TRAPPC8: variants seen among roughly 807,000 people sequenced by gnomAD.
The protein encoded by TRAPPC8 is trafficking protein particle complex subunit 8.
Under a neutral mutation model 174.3 loss-of-function variants are expected in TRAPPC8, and 54 were observed. That is an observed-to-expected ratio of 0.31 (90% CI 0.25 to 0.39). The LOEUF is 0.39. Ranked by LOEUF, TRAPPC8 falls within the 10% of genes least tolerant of loss-of-function variation. The pLI is 1.00. For missense variants in TRAPPC8, 1,531 were observed against 1,699.1 expected (o/e 0.90, Z 1.74); for synonymous variants, 630 against 579.9 (o/e 1.09, Z -1.24).
intron 2 of TRAPPC8, 106 bp downstream of exon 2, chr18:31,931,223 T>TTAG (rs1185177340): frequency 1.9e-6 from 2 of 1,080,672 alleles, no homozygotes; most frequent in East Asian, 5.1e-5. Flanking sequence ...GCCCTAGCAC[T>TTAG]TAGTAAACTC....
At chr18:31,928,408 C>A (rs533103344) in intron 2 of TRAPPC8, among the ~76,000 whole-genome samples, 3 of 151,592 alleles carry the variant, frequency 2.0e-5, no homozygotes, top group Non-Finnish European at 2.9e-5. Flanking sequence ...TATAGTCCCA[C>A]CTACTCAGGA....
In TRAPPC8 at chr18:31,942,648, G is replaced by A. The variant is rs1424235559; in HGVS notation, c.117C>T (p.Phe39=). 6 of 1,611,210 alleles carry A rather than the reference G, an allele frequency of 3.7e-6. No individual in the cohort carries two copies. Among genetic ancestry groups the A allele is most frequent in the Admixed American group, 1.7e-5 (1 of 59,582 alleles). The change falls in exon 1 of 29, where the codon TTC becomes TTT. Residue 39 remains phenylalanine (F), a synonymous_variant. Coordinates refer to ENST00000283351, the MANE Select transcript of TRAPPC8 (RefSeq NM_014939.5). ...ERLTRLNHLS[F]AELLKPFSRL... is the part of the protein sequence containing the mutation. The stretch of plus-strand genomic sequence containing the variant: ...GGGAGAAGGGCTTAAGCAGCTCCGC[G>A]AAGCTGAGGTGATTGAGACGAGTGA...
intron 12 of TRAPPC8, among the ~76,000 whole-genome samples, chr18:31,875,812 C>T (rs1246569520): frequency 1.3e-5 from 2 of 152,024 alleles, no homozygotes; most frequent in Non-Finnish European, 2.9e-5. Flanking sequence ...AAAAGAGGTA[C>T]ACAGAAAGAC....
Position 31,830,713 on chromosome 18 carries a change from A to G in TRAPPC8, c.*42T>C. The G allele has an allele frequency of 6.4e-7, 1 of 1,567,526 alleles. No individual in the cohort carries two copies. Among genetic ancestry groups the G allele is most frequent in the South Asian group, 1.2e-5 (1 of 86,682 alleles). ...AATACTGCTGTAAAACCCATCCAGC[A>G]AAAACTGATTATTGTGGATTTCAGT... On this transcript the variant is annotated 3_prime_UTR_variant, in exon 29 of 29. Transcript: ENST00000283351.
At chr18:31,880,377 C>T (rs1168582146) in intron 12 of TRAPPC8, among the ~76,000 whole-genome samples, 1 of 151,674 alleles carries the variant, frequency 6.6e-6, no homozygotes, top group East Asian at 1.9e-4. Context: ...TTACTCACCA[C>T]ATAAAGAGAA....
At chr18:31,915,469 A>AAGG (rs1555678148) in intron 4 of TRAPPC8, among the ~76,000 whole-genome samples, 4 of 98,854 alleles carry the variant, frequency 4.0e-5, no homozygotes, top group South Asian at 8.7e-4. Context: ...TCAAAAAAAA[A>AAGG]GGGGGGGGGG....
At chr18:31,875,012 C>T (rs560898881) in intron 12 of TRAPPC8, among the ~76,000 whole-genome samples, 2 of 152,248 alleles carry the variant, frequency 1.3e-5, no homozygotes, top group African/African-American at 2.4e-5. Flanking sequence ...AATTTCAAAA[C>T]GTCAACTTCA....
At chr18:31,846,510 A>G (rs1307998975) in intron 26 of TRAPPC8, among the ~76,000 whole-genome samples, 1 of 152,142 alleles carries the variant, frequency 6.6e-6, no homozygotes, top group Non-Finnish European at 1.5e-5. Context: ...GGGGAGGTCA[A>G]GGCTGCAGTG....
intron 2 of TRAPPC8, among the ~76,000 whole-genome samples, chr18:31,921,069 T>A (rs558858467): frequency 2.5e-4 from 38 of 151,040 alleles, no homozygotes; most frequent in South Asian, 8.5e-4. Context: ...TTAGCAGCTG[T>A]AAAAGAAAGG....
intron 1 of TRAPPC8, among the ~76,000 whole-genome samples, chr18:31,940,706 C>T (rs879810351): frequency 2.6e-5 from 4 of 151,888 alleles, no homozygotes; most frequent in Non-Finnish European, 5.9e-5. Flanking sequence ...ACCATGTTGG[C>T]CAGGATGGTC....
At position 31,931,468 on chromosome 18, in the gene TRAPPC8, T is replaced by C. The variant is rs767056464; in HGVS notation, c.213A>G (p.Ala71=). 1.2e-5 allele frequency: 20 copies of C among 1,609,236 alleles called. 1 individual carries two copies. Among genetic ancestry groups the C allele is most frequent in the South Asian group, 4.5e-5 (4 of 89,642 alleles). Residue 71 remains alanine (A), a synonymous_variant, in exon 2 of 29, where the codon GCA becomes GCG. Transcript: ENST00000283351. ...QLHVIKNLKI[A]VSNIVTQPPQ... Reference sequence around the variant, plus strand: ...GTGGCTGGGTGACAATGTTGCTTACTGCTATCTTCAAATTTTTAATTACGT... The same window carrying C: ...GTGGCTGGGTGACAATGTTGCTTACCGCTATCTTCAAATTTTTAATTACGT...
At chr18:31,904,333 T>C (rs1305575864) in intron 9 of TRAPPC8, among the ~76,000 whole-genome samples, 1 of 152,070 alleles carries the variant, frequency 6.6e-6, no homozygotes, top group Admixed American at 6.5e-5. Flanking sequence ...GTGGATCACC[T>C]GAAGTCTGGA....
At chr18:31,865,028 A>G (rs920767141) in intron 18 of TRAPPC8, among the ~76,000 whole-genome samples, 1 of 152,120 alleles carries the variant, frequency 6.6e-6, no homozygotes, top group African/African-American at 2.4e-5. Context: ...ACATTACTCA[A>G]TAGGAAGCCC....
chr18:31,856,924 G>A (rs2034051441), intron 20 of TRAPPC8, among the ~76,000 whole-genome samples: 1 of 145,182 alleles, frequency 6.9e-6, no homozygotes, highest in Non-Finnish European at 1.5e-5. Flanking sequence ...CGAATCTCCT[G>A]CCTCAGCCTC....
At chr18:31,910,616 G>C (rs1382914726) in intron 5 of TRAPPC8, among the ~76,000 whole-genome samples, 2 of 152,214 alleles carry the variant, frequency 1.3e-5, no homozygotes, top group East Asian at 3.8e-4. Flanking sequence ...GAGAATTTTT[G>C]GGTGATCAGA....
intron 25 of TRAPPC8, among the ~76,000 whole-genome samples, chr18:31,848,658 G>C (rs2033540238): frequency 2.0e-5 from 3 of 152,074 alleles, no homozygotes; most frequent in Admixed American, 6.6e-5. Context: ...AAAAACTTCT[G>C]AGTCAATTTA....
At chr18:31,869,929 TA>T (rs1435510730) in intron 16 of TRAPPC8, 1 of 152,162 alleles carries the variant, frequency 6.6e-6, no homozygotes, top group African/African-American at 2.4e-5. Context: ...CCATCCCTAC[TA>T]AAAATACAAA....
chr18:31,931,299 C>A, intron 2 of TRAPPC8, 30 bp downstream of exon 2: 2 of 1,468,250 alleles, frequency 1.4e-6, no homozygotes, highest in African/African-American at 2.9e-5. Flanking sequence ...AAATTTCACT[C>A]AAAAAATAAC....
At chr18:31,861,972 T>C (rs951476210) in intron 19 of TRAPPC8, among the ~76,000 whole-genome samples, 11 of 110,724 alleles carry the variant, frequency 9.9e-5, no homozygotes, top group South Asian at 3.0e-4. Flanking sequence ...GAGAAAAAAA[T>C]CAAAGCTAGC....
Sources: gnomAD v4.1 joint callset for allele counts (sites outside exome capture counted in the v4.1 genomes callset) on GRCh38, gnomAD v4.1.1 for gene constraint, MANE v1.5 for transcripts, NCBI Gene and HGNC (gene_info 2026-07-23, HGNC 2026-07-21) for gene names.